PTPRT: variants seen among roughly 807,000 people sequenced by gnomAD.
PTPRT encodes the protein receptor-type tyrosine-protein phosphatase T.
PTPRT carries 56 observed loss-of-function variants against 176.8 expected under a neutral mutation model. The ratio of observed to expected loss-of-function variants is 0.32; its 90% CI spans 0.26 to 0.40. The LOEUF is 0.40. PTPRT is among the 10% of genes least tolerant of loss of function. PTPRT has a pLI of 1.00. For missense variants in PTPRT, 1,540 were observed against 1,908.2 expected, an observed-to-expected ratio of 0.81 and a Z score of 3.60; for synonymous variants, 783 against 739.0, an observed-to-expected ratio of 1.06 and a Z score of -0.96.
At chr20:43,078,495 T>C (rs75414242) in intron 1 of PTPRT, among the ~76,000 whole-genome samples, 2,098 of 152,272 alleles carry the variant, frequency 0.014, 55 homozygotes, top group African/African-American at 0.046. Context: ...GGTCACTGCA[T>C]TACTTATAGA....
chr20:42,567,681 T>C (rs534436250), intron 7 of PTPRT, among the ~76,000 whole-genome samples: 3 of 152,350 alleles, frequency 2.0e-5, no homozygotes, highest in Admixed American at 1.3e-4. Context: ...GTTGTGAACA[T>C]TCACTATACC....
intron 7 of PTPRT, among the ~76,000 whole-genome samples, chr20:42,542,005 T>C (rs772910211): frequency 1.3e-5 from 2 of 152,136 alleles, no homozygotes; most frequent in South Asian, 2.1e-4. Context: ...GGGTAGGTTT[T>C]TCCCATGCTG....
intron 30 of PTPRT, 28 bp downstream of exon 30, chr20:42,081,854 G>A (rs1380264902): frequency 6.2e-7 from 1 of 1,613,184 alleles, no homozygotes; most frequent in East Asian, 2.2e-5. Flanking sequence ...AGCCCTGGCT[G>A]TTGGAGAACA....
intron 1 of PTPRT, among the ~76,000 whole-genome samples, chr20:43,147,684 G>A (rs1209355123): frequency 6.6e-6 from 1 of 152,198 alleles, no homozygotes. Flanking sequence ...GAGCAAAACA[G>A]CTCTGCATCA....
Position 43,083,335 on chromosome 20 carries a change from T to TAC in PTPRT, c.88+106310_88+106311insGT, listed in dbSNP as rs1568773946. ...CACTTCAAATGTATATATATATATA[T>TAC]ATATATATATATATATATATATATA... On this transcript the variant is annotated intron_variant, in intron 1 of 30. Transcript: ENST00000373187. Among the ~76,000 whole-genome samples, 79 of 106,802 alleles carry TAC rather than the reference T, an allele frequency of 7.4e-4. 1 individual carries two copies. Among genetic ancestry groups the TAC allele is most frequent in the South Asian group, 1.3e-3 (4 of 3,198 alleles). The allele number at this position is 106,802 out of a possible 152,430, so 70.1% of individuals were successfully genotyped here.
intron 12 of PTPRT, among the ~76,000 whole-genome samples, chr20:42,302,543 C>T (rs768807161): frequency 5.3e-5 from 8 of 152,224 alleles, no homozygotes; most frequent in Non-Finnish European, 7.3e-5. Context: ...TCCTAGGCAC[C>T]TCCTCATCCC....
chr20:42,730,490 A>G (rs558185947), intron 6 of PTPRT, among the ~76,000 whole-genome samples: 13 of 152,328 alleles, frequency 8.5e-5, no homozygotes, highest in African/African-American at 3.1e-4. Flanking sequence ...ATTTTCACCC[A>G]TAACAGATAG....
chr20:42,783,098 A>G (rs2077238004), intron 3 of PTPRT, among the ~76,000 whole-genome samples: 1 of 152,218 alleles, frequency 6.6e-6, no homozygotes, highest in Non-Finnish European at 1.5e-5. Flanking sequence ...TAACTTCAAT[A>G]AATCCCTCGA....
intron 7 of PTPRT, among the ~76,000 whole-genome samples, chr20:42,476,053 A>C (rs184611532): frequency 1.2e-4 from 18 of 152,312 alleles, no homozygotes; most frequent in Admixed American, 9.8e-4. Flanking sequence ...CTGAGCCTCC[A>C]TCTCCTCATC....
the PTPRT span, among the ~76,000 whole-genome samples, chr20:42,051,255 T>C: frequency 6.6e-6 from 1 of 152,096 alleles, no homozygotes; most frequent in Non-Finnish European, 1.5e-5. Context: ...TGGATTTGCT[T>C]TGGAGGTCTC....
chr20:42,467,652 C>T lies in PTPRT; in HGVS notation c.1450+4614G>A, dbSNP rs116965761. ...GAAATCAACTGTCATGATTTCTGCA[C>T]TTTACTTTCAAATGGTTAAAATATT... On this transcript the variant is annotated intron_variant, in intron 8 of 30. Transcript: ENST00000373187. 9.7e-3 allele frequency among the ~76,000 whole-genome samples: 1,479 copies of T among 152,198 alleles called. 11 individuals are homozygous for T. Among genetic ancestry groups the T allele is most frequent in the Non-Finnish European group, 0.014 (949 of 67,990 alleles).
In PTPRT at chr20:42,777,039, T is replaced by C. The variant is rs191318758; in HGVS notation, c.568+3179A>G. On this transcript the variant is annotated intron_variant, in intron 4 of 30. Transcript: ENST00000373187. ...CGCTCAGTAAATACTTGTTGGATGATGAATGGATGTCTCTCAGTCACCCTG... is the reference window on the plus strand; with the variant it reads ...CGCTCAGTAAATACTTGTTGGATGACGAATGGATGTCTCTCAGTCACCCTG... 3.3e-5 allele frequency among the ~76,000 whole-genome samples: 5 copies of C among 152,218 alleles called. No homozygotes were observed. In the East Asian group the frequency reaches 9.7e-4, roughly 29 times the overall value.
At chr20:42,164,375 C>G (rs1230189446) in intron 16 of PTPRT, among the ~76,000 whole-genome samples, 2 of 152,194 alleles carry the variant, frequency 1.3e-5, no homozygotes, top group African/African-American at 4.8e-5. Flanking sequence ...AACTTGGTGT[C>G]AGCAAAACCA....
At chr20:42,369,418 T>C (rs2058557624) in intron 9 of PTPRT, among the ~76,000 whole-genome samples, 1 of 152,214 alleles carries the variant, frequency 6.6e-6, no homozygotes, top group Admixed American at 6.5e-5. Context: ...TGGAGAATTT[T>C]AATACCCTCT....
intron 9 of PTPRT, among the ~76,000 whole-genome samples, chr20:42,354,833 C>T (rs2058335477): frequency 6.6e-6 from 1 of 152,100 alleles, no homozygotes; most frequent in Admixed American, 6.6e-5. Context: ...CTATATTAAA[C>T]AGTAGTGGTG....
Position 43,001,867 on chromosome 20 carries a change from C to A in PTPRT, c.89-115935G>T, listed in dbSNP as rs931942501. ...TATCAAACATTGTAAAACAAACAAA[C>A]AAACAAACAAACAAAAAAACAAACA... is the stretch of plus-strand genomic sequence containing the variant. On this transcript the variant is annotated intron_variant, in intron 1 of 30. Coordinates refer to ENST00000373187, the MANE Select transcript of PTPRT (RefSeq NM_007050.6). 6.2e-5 allele frequency among the ~76,000 whole-genome samples: 9 copies of A among 145,678 alleles called. No individual in the cohort carries two copies. The South Asian group carries it at 1.9e-3, about 30-fold the overall frequency.
At chr20:42,944,411 G>C (rs1361114203) in intron 1 of PTPRT, among the ~76,000 whole-genome samples, 1 of 152,144 alleles carries the variant, frequency 6.6e-6, no homozygotes, top group East Asian at 1.9e-4. Context: ...CAAAAATCCA[G>C]TCACACCAGT....
intron 7 of PTPRT, among the ~76,000 whole-genome samples, chr20:42,657,967 T>G (rs1036767782): frequency 1.3e-5 from 2 of 152,118 alleles, no homozygotes; most frequent in African/African-American, 4.8e-5. Flanking sequence ...GTACCTTGAT[T>G]TTACCTTTTC....
intron 9 of PTPRT, among the ~76,000 whole-genome samples, chr20:42,370,755 T>G (rs1459222340): frequency 6.6e-6 from 1 of 152,178 alleles, no homozygotes; most frequent in African/African-American, 2.4e-5. Context: ...AGTTCTTCAA[T>G]AGTTTTCCAT....
Sources: allele counts gnomAD v4.1 joint callset (sites outside exome capture counted in the v4.1 genomes callset), GRCh38; gene constraint gnomAD v4.1.1; transcripts MANE v1.5; gene names NCBI Gene and HGNC (gene_info 2026-07-23, HGNC 2026-07-21).